The following OXR1 variants were observed in gnomAD, a reference collection of about 807,000 sequenced individuals.
The protein encoded by OXR1 is oxidation resistance 1, also known as oxidation resistance protein 1.
Under a neutral mutation model 104.6 loss-of-function variants are expected in OXR1, and 41 were observed. That is an observed-to-expected ratio of 0.39 (90% confidence interval 0.31 to 0.51). OXR1 has a LOEUF of 0.51. Among genes scored for constraint, OXR1 ranks in the 20% least tolerant of loss-of-function variants. The pLI is 0.77. For missense variants in OXR1, 955 were observed against 1,031.9 expected (o/e 0.93, Z 1.02); for synonymous variants, 348 against 348.4 (o/e 1.00, Z 0.01).
At chr8:106,720,965 G>A (rs756862608) in intron 11 of OXR1, among the ~76,000 whole-genome samples, 3 of 152,070 alleles carry the variant, frequency 2.0e-5, no homozygotes, top group East Asian at 3.9e-4. Flanking sequence ...AGTCAAAATG[G>A]TAATACTGTA....
intron 2 of OXR1, among the ~76,000 whole-genome samples, chr8:106,445,424 T>A (rs1819972693): frequency 6.6e-6 from 1 of 152,180 alleles, no homozygotes; most frequent in Admixed American, 6.5e-5. Context: ...TGAAGTATAC[T>A]GTCTGGTGCC....
intron 11 of OXR1, among the ~76,000 whole-genome samples, chr8:106,729,169 C>G (rs990187043): frequency 6.6e-6 from 1 of 152,008 alleles, no homozygotes; most frequent in Non-Finnish European, 1.5e-5. Flanking sequence ...TTCTCACAAC[C>G]CTGTGGAATA....
intron 3 of OXR1, among the ~76,000 whole-genome samples, chr8:106,642,057 C>T (rs529129534): frequency 6.6e-6 from 1 of 152,146 alleles, no homozygotes; most frequent in East Asian, 1.9e-4. Flanking sequence ...CAGGTGTGCA[C>T]AACCACACTT....
intron 4 of OXR1, among the ~76,000 whole-genome samples, chr8:106,679,590 G>GT (rs1323848741): frequency 6.6e-6 from 1 of 151,918 alleles, no homozygotes; most frequent in Non-Finnish European, 1.5e-5. Context: ...AAAATTTTTA[G>GT]TTCTTTAGAA....
rs56303147 is a variant in OXR1, at chr8:106,276,753, C to CAAAAAAAAAAAAAAAAAAAAAAAAAAAA, written c.-139+6405_-139+6406insAAAAAAAAAAAAAAAAAAAAAAAAAAAA. On this transcript the variant is annotated intron_variant, in intron 1 of 16. Transcript: ENST00000517566. ...TTCAGCTGTTAGATTCTGTTAGAGG[C>CAAAAAAAAAAAAAAAAAAAAAAAAAAAA]AAAAAAAAAAAAAAAAAAAGGTAAC... 2.6e-5 allele frequency among the ~76,000 whole-genome samples: 2 copies of CAAAAAAAAAAAAAAAAAAAAAAAAAAAA among 77,764 alleles called. 1 individual carries two copies. Among genetic ancestry groups the CAAAAAAAAAAAAAAAAAAAAAAAAAAAA allele is most frequent in the Non-Finnish European group, 5.2e-5 (2 of 38,344 alleles). The allele number at this position is 77,764 out of a possible 152,430, so 51.0% of individuals were successfully genotyped here.
intron 1 of OXR1, among the ~76,000 whole-genome samples, chr8:106,339,519 A>AAAAAATATAT (rs869120573): frequency 1.2e-4 from 4 of 33,366 alleles, no homozygotes; most frequent in Non-Finnish European, 2.1e-4. Context: ...AAAAAAAAAA[A>AAAAAATATAT]ATATATATAT....
At chr8:106,463,051 G>A (rs1820993426) in intron 2 of OXR1, among the ~76,000 whole-genome samples, 1 of 152,028 alleles carries the variant, frequency 6.6e-6, no homozygotes, top group African/African-American at 2.4e-5. Flanking sequence ...ACCAGTAAAT[G>A]GTTGACCCAT....
chr8:106,381,347 G>A (rs1369760950), intron 2 of OXR1, among the ~76,000 whole-genome samples: 2 of 152,114 alleles, frequency 1.3e-5, no homozygotes, highest in Non-Finnish European at 2.9e-5. Flanking sequence ...GGAGAGAGGA[G>A]GCTGGTGAGG....
At chr8:106,694,446 TTA>T (rs1829634343) in intron 7 of OXR1, among the ~76,000 whole-genome samples, 1 of 136,290 alleles carries the variant, frequency 7.3e-6, no homozygotes, top group African/African-American at 2.8e-5. Context: ...AAATATATTT[TTA>T]TATATATTTG....
At chr8:106,472,353 C>A (rs1304852256) in intron 2 of OXR1, among the ~76,000 whole-genome samples, 1 of 151,482 alleles carries the variant, frequency 6.6e-6, no homozygotes, top group African/African-American at 2.4e-5. Context: ...TTCCTATTCA[C>A]AAATAAAAAG....
At chr8:106,638,629 G>C (rs1257351539) in intron 3 of OXR1, among the ~76,000 whole-genome samples, 1 of 152,166 alleles carries the variant, frequency 6.6e-6, no homozygotes, top group Non-Finnish European at 1.5e-5. Flanking sequence ...GGCTGGGCGC[G>C]ATGACTCACA....
rs1045983694 is a variant in OXR1 at position 106,740,510 on chromosome 8, C to A, written c.2316+15C>A. The A allele has an allele frequency of 7.5e-6, 12 of 1,596,958 alleles. No individual in the cohort carries two copies. In the African/African-American group the frequency reaches 1.6e-4, roughly 22 times the overall value. On this transcript the variant is annotated intron_variant, in intron 14 of 16. Transcript: ENST00000517566. ...GTGATGGACAGGTATGAAACACCAA[C>A]TGCATAGATTGCTTATCCTTTAAGA...
chr8:106,714,116 T>G, intron 11 of OXR1, 131 bp downstream of exon 11: 1 of 619,078 alleles, frequency 1.6e-6, no homozygotes, highest in Non-Finnish European at 2.7e-6. Context: ...TCACTATCCG[T>G]GTTTATTTGT....
intron 3 of OXR1, among the ~76,000 whole-genome samples, chr8:106,535,256 C>T (rs1453319138): frequency 6.6e-6 from 1 of 152,102 alleles, no homozygotes; most frequent in Non-Finnish European, 1.5e-5. Context: ...CAGGCTGGCT[C>T]CCCCTTCCCC....
intron 2 of OXR1, among the ~76,000 whole-genome samples, chr8:106,385,570 G>C (rs1193851323): frequency 6.6e-6 from 1 of 152,198 alleles, no homozygotes; most frequent in East Asian, 1.9e-4. Flanking sequence ...AACCTGGGGA[G>C]TTAACAATGA....
intron 2 of OXR1, among the ~76,000 whole-genome samples, chr8:106,436,164 A>T (rs980707411): frequency 1.3e-5 from 2 of 152,162 alleles, no homozygotes; most frequent in Non-Finnish European, 2.9e-5. Flanking sequence ...AGCAAAAGCC[A>T]TAGCTACCAT....
chr8:106,483,737 C>A (rs1563552279), intron 2 of OXR1, among the ~76,000 whole-genome samples: 2 of 151,882 alleles, frequency 1.3e-5, no homozygotes. Flanking sequence ...GATGAACAAC[C>A]AAATTTCCAA....
intron 3 of OXR1, among the ~76,000 whole-genome samples, chr8:106,567,606 A>G (rs1429592586): frequency 6.6e-6 from 1 of 152,190 alleles, no homozygotes; most frequent in Non-Finnish European, 1.5e-5. Context: ...TGCTATTACA[A>G]TGAGGAACAT....
At chr8:106,607,978 G>T (rs1347752369) in intron 3 of OXR1, among the ~76,000 whole-genome samples, 2 of 151,984 alleles carry the variant, frequency 1.3e-5, no homozygotes, top group East Asian at 1.9e-4. Context: ...TATTTTGAAG[G>T]TATCTATTTT....
Sources: gnomAD v4.1 joint callset for allele counts (sites outside exome capture counted in the v4.1 genomes callset) on GRCh38, gnomAD v4.1.1 for gene constraint, MANE v1.5 for transcripts, NCBI Gene and HGNC (gene_info 2026-07-23, HGNC 2026-07-21) for gene names.